ZNF451: variants seen among roughly 807,000 people sequenced by gnomAD.
The protein encoded by ZNF451 is E3 SUMO-protein ligase ZNF451.
Under a neutral mutation model 107.1 loss-of-function variants are expected in ZNF451, and 80 were observed. That is an observed-to-expected ratio of 0.75 (90% confidence interval 0.62 to 0.90). The LOEUF is 0.90. Among genes scored for constraint, ZNF451 ranks in the 40% least tolerant of loss-of-function variants. The pLI, the probability that ZNF451 is intolerant of heterozygous loss-of-function variation, is 0.00. For synonymous variants in ZNF451, 362 were observed against 406.5 expected (o/e 0.89, Z 1.32); for missense variants, 1,107 against 1,236.2 (o/e 0.90, Z 1.57).
chr6:57,165,203 C>T (rs748355535), intron 14 of ZNF451: 4 of 152,124 alleles, frequency 2.6e-5, no homozygotes, highest in Admixed American at 6.5e-5. Context: ...GACTATAACA[C>T]GTCTCAGTGT....
intron 3 of ZNF451, among the ~76,000 whole-genome samples, chr6:57,112,101 A>G (rs955476627): frequency 2.6e-5 from 4 of 152,196 alleles, no homozygotes; most frequent in East Asian, 3.9e-4. Flanking sequence ...TTGCATATAA[A>G]ATTCTTGAGA....
intron 3 of ZNF451, chr6:57,108,366 G>A: frequency 1.0e-6 from 1 of 985,356 alleles, no homozygotes; most frequent in Non-Finnish European, 1.2e-6. Context: ...TGTGATGGCT[G>A]TGTTTCACAC....
rs1327279291 is a variant in ZNF451, at chr6:57,124,765, A to G, written c.218A>G (p.Tyr73Cys). The G allele has an allele frequency of 6.3e-7, 1 of 1,597,976 alleles. No individual in the cohort carries two copies. Among genetic ancestry groups the G allele is most frequent in the Non-Finnish European group, 8.6e-7 (1 of 1,166,038 alleles). ...ATTAAACGTAAAGACCATATTGATT[A>G]TCAGAAGGATAAAGTTGCTTTAACT... ...ENIKRKDHID[Y>C]QKDKVALTLA... Residue 73 changes from tyrosine (Y) to cysteine (C), a missense_variant, in exon 4 of 15, where the codon TAT becomes TGT. This residue lies in a region of ZNF451 where 339 missense variants were observed against 372.8 expected (regional missense o/e 0.91). Transcript: ENST00000370706.
intron 3 of ZNF451, among the ~76,000 whole-genome samples, chr6:57,113,917 G>A (rs759805083): frequency 1.3e-5 from 2 of 152,056 alleles, no homozygotes; most frequent in Non-Finnish European, 2.9e-5. Context: ...ACGCCACCGC[G>A]CCCAGCCGAA....
rs992140562 is a variant in ZNF451, at chr6:57,109,282, C to A, written c.186+10141C>A. The A allele has an allele frequency of 9.1e-6, 9 of 984,266 alleles. No homozygotes were observed. The African/African-American group carries it at 1.4e-4, about 15-fold the overall frequency. 61.0% of individuals were successfully genotyped at this position (984,266 alleles called of 1,614,324 possible). A position where few individuals can be genotyped will look rare whatever the true frequency, so the allele number is the denominator to read the frequency against. On this transcript the variant is annotated intron_variant, in intron 3 of 14. Coordinates refer to ENST00000370706, the MANE Select transcript of ZNF451 (RefSeq NM_001031623.3). Reference sequence around the variant, plus strand: ...TTTGTTCAATGTTGTTTATTACATTCATTTTGTTTCATATACACACATTTT... The same window carrying A: ...TTTGTTCAATGTTGTTTATTACATTAATTTTGTTTCATATACACACATTTT...
intron 9 of ZNF451, among the ~76,000 whole-genome samples, chr6:57,145,444 C>T (rs1832017140): frequency 6.6e-6 from 1 of 152,150 alleles, no homozygotes; most frequent in South Asian, 2.1e-4. Context: ...CCAACCCTCA[C>T]CCATTTCCCA....
At chr6:57,168,309 C>A in intron 14 of ZNF451, 114 bp from the exon 15 acceptor site, 2 of 688,748 alleles carry the variant, frequency 2.9e-6, no homozygotes, top group East Asian at 2.9e-5. Flanking sequence ...TGTGTTTTTC[C>A]ATTTTGATTT....
chr6:57,158,798 T>C, intron 13 of ZNF451: 1 of 985,482 alleles, frequency 1.0e-6, no homozygotes, highest in South Asian at 4.7e-5. Context: ...GATGGTCTTG[T>C]TTATAAGCCT....
At chr6:57,142,498 A>G (rs1352246159) in intron 9 of ZNF451, among the ~76,000 whole-genome samples, 1 of 152,236 alleles carries the variant, frequency 6.6e-6, no homozygotes, top group Non-Finnish European at 1.5e-5. Flanking sequence ...TGTGATTGCC[A>G]TAGTATCTGT....
chr6:57,165,549 CAT>C (rs1243766364), intron 14 of ZNF451: 1 of 152,200 alleles, frequency 6.6e-6, no homozygotes, highest in African/African-American at 2.4e-5. Context: ...TACTCAAATT[CAT>C]TAAGCCCCTC....
chr6:57,091,530 C>G (rs1466340279), intron 2 of ZNF451: 4 of 152,194 alleles, frequency 2.6e-5, no homozygotes, highest in Admixed American at 2.0e-4. Flanking sequence ...GCCTAGGAAT[C>G]TTCATTTTCA....
chr6:57,108,345 CTACTT>C, intron 3 of ZNF451: 1 of 985,288 alleles, frequency 1.0e-6, no homozygotes, highest in South Asian at 4.7e-5. Context: ...CTTGTTAACT[CTACTT>C]TTATTTGTGA....
intron 3 of ZNF451, among the ~76,000 whole-genome samples, chr6:57,113,990 A>G (rs569327678): frequency 2.0e-5 from 3 of 152,282 alleles, no homozygotes; most frequent in South Asian, 2.1e-4. Context: ...AAACCATACT[A>G]CATTTTCAGG....
At chr6:57,111,228 CACTTTT>C (rs1475176583) in intron 3 of ZNF451, among the ~76,000 whole-genome samples, 2 of 151,404 alleles carry the variant, frequency 1.3e-5, no homozygotes, top group Non-Finnish European at 1.5e-5. Context: ...GCCCCATTCC[CACTTTT>C]ACTTTTATTT....
rs1466022104 is a variant in ZNF451, at chr6:57,147,335, T to G, written c.1250T>G (p.Leu417Ter). 6.2e-7 allele frequency: 1 copy of G among 1,614,126 alleles called. No homozygotes were observed. Among genetic ancestry groups the G allele is most frequent in the South Asian group, 1.1e-5 (1 of 91,080 alleles). ...AAGGATCCTTCTTCTGACTTGCATT[T>G]ATTGTTGGATCAATCAAAATTTTCA... ...GNKDPSSDLH[L>*]LLDQSKFSSL... Residue 417 changes from leucine to a stop codon, truncating the protein, a stop_gained, in exon 10 of 15, where the codon TTA (leucine) becomes TGA (stop). Coordinates refer to ENST00000370706, the MANE Select transcript of ZNF451 (RefSeq NM_001031623.3). LOFTEE classifies it high-confidence loss of function.
intron 7 of ZNF451, among the ~76,000 whole-genome samples, chr6:57,140,760 G>C (rs1021489071): frequency 1.3e-5 from 2 of 152,204 alleles, no homozygotes; most frequent in African/African-American, 4.8e-5. Context: ...GCATTAATTA[G>C]AGATATACCA....
intron 13 of ZNF451, among the ~76,000 whole-genome samples, chr6:57,160,480 C>A (rs1006101061): frequency 2.0e-5 from 3 of 151,984 alleles, no homozygotes; most frequent in African/African-American, 7.2e-5. Context: ...ACTATAGGTG[C>A]GCACCACCAT....
chr6:57,108,631 C>T (rs1235079059), intron 3 of ZNF451: 2 of 985,368 alleles, frequency 2.0e-6, no homozygotes, highest in Non-Finnish European at 1.2e-6. Flanking sequence ...ATTCTTGGGA[C>T]AGAACGGCCT....
intron 2 of ZNF451, among the ~76,000 whole-genome samples, chr6:57,097,651 A>C (rs151114977): frequency 1.4e-3 from 219 of 152,268 alleles, no homozygotes; most frequent in African/African-American, 5.2e-3. Flanking sequence ...ACAGCTTTTT[A>C]TTGAGGCAAT....
Sources: allele counts gnomAD v4.1 joint callset (sites outside exome capture counted in the v4.1 genomes callset), GRCh38; gene constraint gnomAD v4.1.1; regional missense constraint gnomAD v4.1.1; transcripts MANE v1.5; gene names NCBI Gene and HGNC (gene_info 2026-07-23, HGNC 2026-07-21).